Variants in ABI3BP observed in about 807,000 individuals in gnomAD.
ABI3BP encodes the protein target of Nesh-SH3.
Under a neutral mutation model 268.6 loss-of-function variants are expected in ABI3BP, and 216 were observed. The observed-to-expected ratio is 0.80, with a 90% CI of 0.72 to 0.90. The LOEUF (loss-of-function observed/expected upper bound fraction) is 0.90. Among genes scored for constraint, ABI3BP ranks in the 40% least tolerant of loss-of-function variants. The pLI, the probability that ABI3BP is intolerant of heterozygous loss-of-function variation, is 0.00. For missense variants in ABI3BP, 2,090 were observed against 2,182.4 expected (o/e 0.96, Z 0.84); for synonymous variants, 730 against 730.0 (o/e 1.00, Z 0.00).
In ABI3BP at chr3:100,905,985, GC is replaced by G. The variant is rs554256995; in HGVS notation, c.260-3300del. ...GACCTGCATTTTCATTTTGTTCTTGGCCCTGCAAGTTATGTAACTATCTTAA... is the reference window on the plus strand; with the variant it reads ...GACCTGCATTTTCATTTTGTTCTTGGCCTGCAAGTTATGTAACTATCTTAA... On this transcript the variant is annotated intron_variant, in intron 2 of 67. Transcript: ENST00000471714. Among the ~76,000 whole-genome samples the G allele has an allele frequency of 1.5e-3, 225 of 151,980 alleles. 1 individual carries two copies. Among genetic ancestry groups the G allele is most frequent in the African/African-American group, 5.3e-3 (221 of 41,486 alleles).
chr3:100,856,869 G>T (rs1318621852), intron 14 of ABI3BP, among the ~76,000 whole-genome samples: 2 of 152,110 alleles, frequency 1.3e-5, no homozygotes, highest in Admixed American at 1.3e-4. Context: ...CTTCCCTGGT[G>T]CCCACAGAAA....
chr3:100,906,578 A>G (rs1042204807), intron 2 of ABI3BP, among the ~76,000 whole-genome samples: 19 of 152,244 alleles, frequency 1.2e-4, no homozygotes, highest in African/African-American at 4.1e-4. Context: ...TTAGAAAGAT[A>G]TATACCTAAA....
intron 6 of ABI3BP, among the ~76,000 whole-genome samples, chr3:100,880,923 G>C (rs1289647700): frequency 6.6e-6 from 1 of 151,900 alleles, no homozygotes; most frequent in African/African-American, 2.4e-5. Context: ...AGATAAAGAG[G>C]AGCTGTCCAT....
intron 28 of ABI3BP, 27 bp downstream of exon 28, chr3:100,835,574 A>T: frequency 6.6e-7 from 1 of 1,510,942 alleles, no homozygotes; most frequent in Non-Finnish European, 8.9e-7. Context: ...GAAAAAACTC[A>T]TACTTAAAGA....
chr3:100,799,607 C>T lies in ABI3BP; in HGVS notation c.3758-3139G>A, dbSNP rs547169836. On this transcript the variant is annotated intron_variant, in intron 51 of 67. Transcript: ENST00000471714. ...CTCCATCTCATTGCCACTGCAATGCCATTGCCAACCTTCTCTTCTTAGGCC... is the reference window on the plus strand; with the variant it reads ...CTCCATCTCATTGCCACTGCAATGCTATTGCCAACCTTCTCTTCTTAGGCC... Among the ~76,000 whole-genome samples the T allele has an allele frequency of 1.4e-4, 21 of 152,216 alleles. No individual in the cohort carries two copies. In the South Asian group the frequency reaches 3.9e-3, roughly 29 times the overall value.
rs1419513108 is a variant in ABI3BP, at chr3:100,796,198, C to T, written c.3817+211G>A. On this transcript the variant is annotated intron_variant, in intron 52 of 67. Coordinates refer to ENST00000471714, the MANE Select transcript of ABI3BP (RefSeq NM_001375547.2). ...ATATTTATAATTTTAGCGTGATCTA[C>T]TCAATGAACCTATATACTATTCCCT... Among the ~76,000 whole-genome samples, 8 of 151,998 alleles carry T rather than the reference C, an allele frequency of 5.3e-5. No homozygotes were observed. The East Asian group carries it at 1.5e-3, about 29-fold the overall frequency.
At chr3:100,901,574 G>T (rs1436924134) in intron 3 of ABI3BP, among the ~76,000 whole-genome samples, 1 of 152,046 alleles carries the variant, frequency 6.6e-6, no homozygotes, top group African/African-American at 2.4e-5. Flanking sequence ...GACTGTCCTG[G>T]CTAACACGGT....
At chr3:100,766,973 C>T (rs2096298469) in intron 62 of ABI3BP, among the ~76,000 whole-genome samples, 1 of 152,132 alleles carries the variant, frequency 6.6e-6, no homozygotes, top group African/African-American at 2.4e-5. Flanking sequence ...ACTAGAATAA[C>T]CCAGATAGAC....
intron 6 of ABI3BP, among the ~76,000 whole-genome samples, chr3:100,884,166 C>A (rs879758221): frequency 5.3e-5 from 8 of 151,818 alleles, no homozygotes; most frequent in Admixed American, 1.3e-4. Context: ...TTATAGGTAA[C>A]CTTGTTAATG....
intron 2 of ABI3BP, among the ~76,000 whole-genome samples, chr3:100,925,947 A>C (rs2153638322): frequency 6.7e-6 from 1 of 149,254 alleles, no homozygotes; most frequent in Middle Eastern, 3.4e-3. Context: ...ATACACTCAA[A>C]ATGCTGTAGT....
At chr3:100,850,269 TA>T in intron 16 of ABI3BP, 150 bp from the exon 17 acceptor site, 1 of 728,130 alleles carries the variant, frequency 1.4e-6, no homozygotes, top group African/African-American at 1.8e-5. Context: ...AGCTAGTGAA[TA>T]AAATTCTGAT....
chr3:100,939,874 G>T (rs1337015302), intron 1 of ABI3BP, among the ~76,000 whole-genome samples: 1 of 151,974 alleles, frequency 6.6e-6, no homozygotes, highest in South Asian at 2.1e-4. Context: ...CATAGGAGAT[G>T]ACCACACCCA....
intron 20 of ABI3BP, among the ~76,000 whole-genome samples, 166 bp downstream of exon 20, chr3:100,846,206 C>A (rs2098766161): frequency 6.6e-6 from 1 of 152,170 alleles, no homozygotes; most frequent in African/African-American, 2.4e-5. Context: ...GCTGTGATAT[C>A]ACAGTGGCTA....
intron 63 of ABI3BP, among the ~76,000 whole-genome samples, chr3:100,758,149 G>A (rs2095734430): frequency 6.6e-6 from 1 of 152,008 alleles, no homozygotes; most frequent in African/African-American, 2.4e-5. Context: ...CCATCAGGAG[G>A]CAGCATGATC....
chr3:100,824,648 T>C (rs1456995419), intron 36 of ABI3BP, among the ~76,000 whole-genome samples: 1 of 152,200 alleles, frequency 6.6e-6, no homozygotes, highest in Non-Finnish European at 1.5e-5. Context: ...AAGTCTCACA[T>C]AGAAATAATA....
intron 44 of ABI3BP, among the ~76,000 whole-genome samples, chr3:100,814,794 G>T (rs1248472277): frequency 6.6e-6 from 1 of 152,116 alleles, no homozygotes; most frequent in Non-Finnish European, 1.5e-5. Context: ...AGAGATGAAT[G>T]AAATGGAATA....
chr3:100,798,866 A>G (rs943299939), intron 51 of ABI3BP, among the ~76,000 whole-genome samples: 1 of 152,166 alleles, frequency 6.6e-6, no homozygotes, highest in Non-Finnish European at 1.5e-5. Flanking sequence ...ACCATATTCT[A>G]TTCCTTTAAT....
At chr3:100,939,915 G>T (rs1015970006) in intron 1 of ABI3BP, among the ~76,000 whole-genome samples, 8 of 152,004 alleles carry the variant, frequency 5.3e-5, no homozygotes, top group Admixed American at 5.2e-4. Context: ...ATACCCCCAG[G>T]CGCATATTCT....
intron 51 of ABI3BP, among the ~76,000 whole-genome samples, chr3:100,799,787 C>T (rs1021604978): frequency 2.0e-5 from 3 of 152,138 alleles, no homozygotes; most frequent in African/African-American, 7.2e-5. Context: ...TATATTTTCT[C>T]CTCTATGATA....
Sources: gnomAD v4.1 joint callset for allele counts (sites outside exome capture counted in the v4.1 genomes callset) on GRCh38, gnomAD v4.1.1 for gene constraint, MANE v1.5 for transcripts, NCBI Gene and HGNC (gene_info 2026-07-23, HGNC 2026-07-21) for gene names.